The following TOP2A variants were observed in gnomAD, a reference collection of about 807,000 sequenced individuals.
TOP2A encodes DNA topoisomerase 2-alpha.
Under a neutral mutation model 187.2 loss-of-function variants are expected in TOP2A, and 68 were observed. That is an observed-to-expected ratio of 0.36 (90% confidence interval 0.30 to 0.44). The LOEUF (loss-of-function observed/expected upper bound fraction) is 0.44, where lower values mean the gene tolerates loss of function less well. Among genes scored for constraint, TOP2A ranks in the 20% least tolerant of loss-of-function variants. The pLI, the probability that TOP2A is intolerant of heterozygous loss-of-function variation, is 1.00. For missense variants in TOP2A, 1,196 were observed against 1,808.7 expected (o/e 0.66, Z 6.14); for synonymous variants, 542 against 593.2 (o/e 0.91, Z 1.25).
chr17:40,394,670 A>C (rs952783683), intron 29 of TOP2A, among the ~76,000 whole-genome samples: 2 of 152,196 alleles, frequency 1.3e-5, no homozygotes, highest in African/African-American at 4.8e-5. Context: ...TGGCATGTGA[A>C]TATCTCAATA....
chr17:40,398,734 C>G (rs988451146), intron 26 of TOP2A, 39 bp downstream of exon 26: 15 of 1,604,598 alleles, frequency 9.3e-6, no homozygotes, highest in South Asian at 2.2e-5. Context: ...TAGAATAGAA[C>G]AAAACTAAGC....
At chr17:40,412,707 G>T in intron 7 of TOP2A, 52 bp downstream of exon 7, 1 of 1,463,630 alleles carries the variant, frequency 6.8e-7, no homozygotes, top group Admixed American at 1.9e-5. Flanking sequence ...TTTTGCACTT[G>T]ACAATGATTA....
intron 10 of TOP2A, chr17:40,409,248 T>C (rs1311959164): frequency 1.1e-5 from 3 of 270,846 alleles, no homozygotes; most frequent in East Asian, 2.3e-4. Context: ...GGTGGTGAAA[T>C]GGCTGTAATC....
rs1303482707 is a variant in TOP2A, at chr17:40,404,474, T to C, written c.2064A>G (p.Gln688=). Residue 688 remains glutamine, a synonymous_variant, in exon 18 of 35, where the codon CAA becomes CAG. Transcript: ENST00000423485. ...CATTATATGTCAGATATGTGGTAGTTTGTCCATACAAGTAATCCTGAAGGA... is the reference window on the plus strand; with the variant it reads ...CATTATATGTCAGATATGTGGTAGTCTGTCCATACAAGTAATCCTGAAGGA... ...LGLPEDYLYG[Q]TTTYLTYNDF... 6.2e-7 allele frequency: 1 copy of C among 1,605,506 alleles called. No homozygotes were observed. The highest frequency in any genetic ancestry group is 8.5e-7 in the Non-Finnish European group (1 of 1,173,336).
intron 17 of TOP2A, 124 bp downstream of exon 17, chr17:40,404,667 G>A (rs2035217470): frequency 1.3e-6 from 1 of 764,056 alleles, no homozygotes; most frequent in Non-Finnish European, 2.2e-6. Flanking sequence ...TTTAACTGCT[G>A]CACAACTCTA....
At chr17:40,409,710 G>A (rs146434913) in intron 10 of TOP2A, 288 of 212,166 alleles carry the variant, frequency 1.4e-3, no homozygotes, top group African/African-American at 6.4e-3. Context: ...AACCTGGGAG[G>A]CAGAGATTGC....
At chr17:40,417,015 A>AGT in intron 1 of TOP2A, 120 bp from the exon 2 acceptor site, 1 of 868,300 alleles carries the variant, frequency 1.2e-6, no homozygotes, top group Non-Finnish European at 1.7e-6. Context: ...GTTAGTAGGC[A>AGT]GTGGTGGAGT....
At position 40,404,359 on chromosome 17, in the gene TOP2A, T is replaced by G. The variant is rs1400147989; in HGVS notation, c.2161+18A>C. On this transcript the variant is annotated intron_variant, in intron 18 of 34. Coordinates refer to ENST00000423485, the MANE Select transcript of TOP2A (RefSeq NM_001067.4). ...TTTCCATCTTACAATGAAAACAGACTAACAAATTGGAACTCACCATCCACC... is the reference window on the plus strand; with the variant it reads ...TTTCCATCTTACAATGAAAACAGACGAACAAATTGGAACTCACCATCCACC... The G allele has an allele frequency of 6.2e-7, 1 of 1,605,252 alleles. No homozygotes were observed. The highest frequency in any genetic ancestry group is 1.1e-5 in the South Asian group (1 of 90,258).
chr17:40,400,744 T>C (rs543354410), intron 21 of TOP2A, 81 bp from the exon 22 acceptor site: 2 of 1,537,578 alleles, frequency 1.3e-6, no homozygotes, highest in South Asian at 2.4e-5. Context: ...ACAATAAATC[T>C]AAAGTATGAA....
Position 40,411,496 on chromosome 17 carries a change from C to G in TOP2A, c.964-41G>C. The G allele has an allele frequency of 6.3e-7, 1 of 1,590,764 alleles. No homozygotes were observed. Among genetic ancestry groups the G allele is most frequent in the African/African-American group, 1.3e-5 (1 of 74,504 alleles). Reference sequence around the variant, plus strand: ...ACCAAACTGTAAAACTCAGTATCCTCAAAATTATAATAATCAAACATTAAA... The same window carrying G: ...ACCAAACTGTAAAACTCAGTATCCTGAAAATTATAATAATCAAACATTAAA... On this transcript the variant is annotated intron_variant, in intron 8 of 34. Transcript: ENST00000423485. The surrounding 1 kb of genome is among the most constrained non-coding windows in gnomAD (Gnocchi z 4.4).
intron 4 of TOP2A, among the ~76,000 whole-genome samples, chr17:40,413,979 A>C (rs921560110): frequency 6.6e-6 from 1 of 152,128 alleles, no homozygotes; most frequent in African/African-American, 2.4e-5. Context: ...GGCACTTTTC[A>C]TATATACCTT....
At chr17:40,403,770 TC>T (rs1365380352) in intron 19 of TOP2A, among the ~76,000 whole-genome samples, 1 of 152,224 alleles carries the variant, frequency 6.6e-6, no homozygotes, top group Non-Finnish European at 1.5e-5. Context: ...CTTTTTTTCC[TC>T]ACCTGAGAAT....
intron 33 of TOP2A, among the ~76,000 whole-genome samples, 183 bp from the exon 34 acceptor site, chr17:40,390,347 C>G (rs543635146): frequency 6.6e-6 from 1 of 151,936 alleles, no homozygotes; most frequent in African/African-American, 2.4e-5. Flanking sequence ...TGCCACCACA[C>G]CCGGCTAATT....
At position 40,399,029 on chromosome 17, in the gene TOP2A, C is replaced by T. The variant is rs1432935324; in HGVS notation, c.3288+11G>A. On this transcript the variant is annotated intron_variant, in intron 25 of 34. Coordinates refer to ENST00000423485, the MANE Select transcript of TOP2A (RefSeq NM_001067.4). ...TCTTTAACAATATAGAAAAGTGCCA[C>T]CCAAGATTACCTTTTGCTGGGCTTC... is the stretch of plus-strand genomic sequence containing the variant. 12 of 1,591,494 alleles carry T rather than the reference C, an allele frequency of 7.5e-6. No homozygotes were observed. The highest frequency in any genetic ancestry group is 1.7e-4 in the Middle Eastern group (1 of 6,052).
intron 25 of TOP2A, 47 bp from the exon 26 acceptor site, chr17:40,398,984 A>C: frequency 6.3e-7 from 1 of 1,598,086 alleles, no homozygotes. Context: ...TGTGAAACAT[A>C]AACATTGTAC....
intron 28 of TOP2A, 75 bp downstream of exon 28, chr17:40,396,208 T>C: frequency 5.3e-6 from 4 of 758,886 alleles, no homozygotes; most frequent in Non-Finnish European, 8.5e-6. Flanking sequence ...CTTGAACCAC[T>C]GACCTCAAGT....
At chr17:40,397,676 T>C (rs1044687272) in intron 27 of TOP2A, among the ~76,000 whole-genome samples, 1 of 152,200 alleles carries the variant, frequency 6.6e-6, no homozygotes, top group Non-Finnish European at 1.5e-5. Flanking sequence ...TAATATGTTC[T>C]TCCCTTTATC....
Position 40,411,319 on chromosome 17 carries a change from G to T in TOP2A, c.1065+35C>A. On this transcript the variant is annotated intron_variant, in intron 9 of 34. Coordinates refer to ENST00000423485, the MANE Select transcript of TOP2A (RefSeq NM_001067.4). This position sits in a 1 kb window ranked among gnomAD's most constrained non-coding sequence, Gnocchi z 4.4. Reference sequence around the variant, plus strand: ...ATTTATAGCCTTTCTCTTCTTCCTTGACTTTAGAAAAAGAAAACTGCCAAA... The same window carrying T: ...ATTTATAGCCTTTCTCTTCTTCCTTTACTTTAGAAAAAGAAAACTGCCAAA... 6.2e-7 allele frequency: 1 copy of T among 1,612,312 alleles called. No homozygotes were observed. The highest frequency in any genetic ancestry group is 8.5e-7 in the Non-Finnish European group (1 of 1,179,090).
Position 40,392,277 on chromosome 17 carries a change from A to C in TOP2A, c.4029T>G (p.Thr1343=), listed in dbSNP as rs34147280. The change falls in exon 31 of 35, where the codon ACT becomes ACG. Residue 1343 remains threonine (T), a synonymous_variant. Coordinates refer to ENST00000423485, the MANE Select transcript of TOP2A (RefSeq NM_001067.4). ...DEDFSDFDEK[T]DDEDFVPSDA... ...CTGATGGGACAAAATCTTCATCATC[A>C]GTTTTTTCATCAAAATCTGAGAAAT... 1,002 of 1,611,588 alleles carry C rather than the reference A, an allele frequency of 6.2e-4. 7 individuals are homozygous for C. The African/African-American group carries it at 0.012, about 19-fold the overall frequency.
Sources: allele counts gnomAD v4.1 joint callset (sites outside exome capture counted in the v4.1 genomes callset), GRCh38; gene constraint gnomAD v4.1.1; non-coding constraint Gnocchi (gnomAD v3.1); transcripts MANE v1.5; gene names NCBI Gene and HGNC (gene_info 2026-07-23, HGNC 2026-07-21).